The following ZC2HC1C variants were observed in gnomAD, a reference collection of about 807,000 sequenced individuals.
The protein encoded by ZC2HC1C is zinc finger C2HC domain-containing protein 1C.
Under a neutral mutation model 39.2 loss-of-function variants are expected in ZC2HC1C, and 25 were observed. That is an observed-to-expected ratio of 0.64 (90% CI 0.47 to 0.89). The LOEUF (loss-of-function observed/expected upper bound fraction) is 0.89. Among genes scored for constraint, ZC2HC1C ranks in the 40% least tolerant of loss-of-function variants. The pLI is 0.00. For missense variants in ZC2HC1C, 519 were observed against 548.6 expected (o/e 0.95, Z 0.54); for synonymous variants, 209 against 214.4 (o/e 0.97, Z 0.22).
rs546277319 is a variant in ZC2HC1C at position 75,072,018 on chromosome 14, T to C, written c.1338+107T>C. On this transcript the variant is annotated intron_variant, in intron 2 of 2. Transcript: ENST00000524913. Reference sequence around the variant, plus strand: ...AAATTCATGTGTCATGTAGGAAGAATTGACGTCTAGAATTAACATTTCTTG... The same window carrying C: ...AAATTCATGTGTCATGTAGGAAGAACTGACGTCTAGAATTAACATTTCTTG... The C allele has an allele frequency of 2.2e-4, 324 of 1,441,944 alleles. 1 individual carries two copies. The highest frequency in any genetic ancestry group is 1.7e-3 in the African/African-American group (117 of 70,316). 89.3% of individuals were successfully genotyped at this position (1,441,944 alleles called of 1,614,324 possible).
At position 75,070,583 on chromosome 14, in the gene ZC2HC1C, C is replaced by A; in HGVS notation, c.10C>A (p.Leu4Ile). 6.2e-7 allele frequency: 1 copy of A among 1,609,490 alleles called. No homozygotes were observed. The highest frequency in any genetic ancestry group is 1.1e-5 in the South Asian group (1 of 90,366). Residue 4 changes from leucine to isoleucine, a missense_variant, in exon 2 of 3, where the codon CTC (leucine) becomes ATC (isoleucine). By Grantham distance (5) the Leu-to-Ile change is conservative. Coordinates refer to ENST00000524913, the MANE Select transcript of ZC2HC1C (RefSeq NM_024643.4). ...TCAGTCCAGGCCCTGAATGGCTGGT[C>A]TCCAGCGGTTGGCGTCACATCTGCC... MAGLQRLASHLPVG... is the reference protein window; with the variant it reads MAGIQRLASHLPVG...
Position 75,071,640 on chromosome 14 carries a change from C to T in ZC2HC1C, c.1067C>T (p.Thr356Ile). 2 of 1,614,208 alleles carry T rather than the reference C, an allele frequency of 1.2e-6. No individual in the cohort carries two copies. Among genetic ancestry groups the T allele is most frequent in the Non-Finnish European group, 1.7e-6 (2 of 1,180,030 alleles). The change falls in exon 2 of 3, where the codon ACA becomes ATA. Residue 356 changes from threonine to isoleucine, a missense_variant. Thr to Ile is a moderately conservative substitution (Grantham distance 89). Coordinates refer to ENST00000524913, the MANE Select transcript of ZC2HC1C (RefSeq NM_024643.4). ...GAGAAATTCTCCCCGCCTTCAGAAACACCAGTCGGTGCTTTGCAGGGATCC... is the reference window on the plus strand; with the variant it reads ...GAGAAATTCTCCCCGCCTTCAGAAATACCAGTCGGTGCTTTGCAGGGATCC... ...SVEKFSPPSE[T>I]PVGALQGSAR...
In ZC2HC1C at chr14:75,070,909, C is replaced by T; in HGVS notation, c.336C>T (p.Gly112=). The change falls in exon 2 of 3, where the codon GGC becomes GGT. Residue 112 remains glycine, a synonymous_variant. Transcript: ENST00000524913. Reference sequence around the variant, plus strand: ...GAAATGGTTTGTTTTACTCGTCAGGCCCTCAATCCTGGTATCCCAAAGCCA... The same window carrying T: ...GAAATGGTTTGTTTTACTCGTCAGGTCCTCAATCCTGGTATCCCAAAGCCA... ...GQGNGLFYSS[G]PQSWYPKANN... The T allele has an allele frequency of 6.2e-7, 1 of 1,614,200 alleles. No homozygotes were observed. Among genetic ancestry groups the T allele is most frequent in the African/African-American group, 1.3e-5 (1 of 75,042 alleles).
In ZC2HC1C at chr14:75,071,107, T is replaced by G; in HGVS notation, c.534T>G (p.Phe178Leu). The G allele has an allele frequency of 6.2e-7, 1 of 1,614,190 alleles. No individual in the cohort carries two copies. Among genetic ancestry groups the G allele is most frequent in the East Asian group, 2.2e-5 (1 of 44,888 alleles). The change falls in exon 2 of 3, where the codon TTT (phenylalanine) becomes TTG (leucine). Residue 178 changes from phenylalanine to leucine, a missense_variant. Physicochemically the swap from Phe to Leu is conservative, Grantham distance 22 (BLOSUM62 0). Transcript: ENST00000524913. ...CGAGAGAGTTTTCATCTAGGAACTT[T>G]GGTGTGAGGAACCAGGGCAACTTTT... ...PEPREFSSRN[F>L]GVRNQGNFSV...
Position 75,071,138 on chromosome 14 carries a change from G to C in ZC2HC1C, c.565G>C (p.Val189Leu), listed in dbSNP as rs754206694. 1.2e-6 allele frequency: 2 copies of C among 1,614,202 alleles called. No homozygotes were observed. Among genetic ancestry groups the C allele is most frequent in the Non-Finnish European group, 1.7e-6 (2 of 1,180,032 alleles). Residue 189 changes from valine (V) to leucine (L), a missense_variant, in exon 2 of 3, where the codon GTT becomes CTT. Coordinates refer to ENST00000524913, the MANE Select transcript of ZC2HC1C (RefSeq NM_024643.4). ...GVRNQGNFSVVGTVLAATQAE... is the reference protein window; with the variant it reads ...GVRNQGNFSVLGTVLAATQAE... ...GAGGAACCAGGGCAACTTTTCTGTG[G>C]TTGGTACTGTTCTTGCTGCCACGCA...
At position 75,077,692 on chromosome 14, in the gene ZC2HC1C, C is replaced by T. The variant is rs1893746675; in HGVS notation, c.*128C>T. On this transcript the variant is annotated 3_prime_UTR_variant, in exon 3 of 3. Coordinates refer to ENST00000524913, the MANE Select transcript of ZC2HC1C (RefSeq NM_024643.4). ...GAAAACCCAGACTGCATTCAGTGTC[C>T]TCAGTGTAGCCACCACTTTGCTCCC... The T allele has an allele frequency of 3.5e-6, 4 of 1,142,730 alleles. No homozygotes were observed. The highest frequency in any genetic ancestry group is 5.1e-6 in the Non-Finnish European group (4 of 785,182). The allele number at this position is 1,142,730 out of a possible 1,614,324, so 70.8% of individuals were successfully genotyped here.
chr14:75,073,447 G>T, intron 2 of ZC2HC1C: 2 of 491,038 alleles, frequency 4.1e-6, no homozygotes, highest in Non-Finnish European at 7.0e-6. Context: ...CCTGAGATCA[G>T]ATGCTCCAGC....
rs1893344661 is a variant in ZC2HC1C, at chr14:75,070,830, C to T, written c.257C>T (p.Pro86Leu). 1.9e-6 allele frequency: 3 copies of T among 1,614,250 alleles called. No individual in the cohort carries two copies. The East Asian group carries it at 6.7e-5, about 36-fold the overall frequency. ...TQTKARSYSY[P>L]HCTGISQQDP... ...ACAAAAGCCCGGAGCTACTCCTATC[C>T]CCACTGTACTGGAATCAGCCAGCAA... The change falls in exon 2 of 3, where the codon CCC (proline) becomes CTC (leucine). Residue 86 changes from proline (P) to leucine (L), a missense_variant. Transcript: ENST00000524913.
intron 2 of ZC2HC1C, among the ~76,000 whole-genome samples, chr14:75,074,558 A>T (rs1036322836): frequency 1.3e-5 from 2 of 150,446 alleles, no homozygotes; most frequent in Non-Finnish European, 3.0e-5. Context: ...AATTTTCTAC[A>T]TTACCTGTTT....
At chr14:75,072,096 T>G (rs1275596609) in intron 2 of ZC2HC1C, among the ~76,000 whole-genome samples, 185 bp downstream of exon 2, 3 of 152,250 alleles carry the variant, frequency 2.0e-5, no homozygotes, top group Non-Finnish European at 4.4e-5. Flanking sequence ...GATCTCCACA[T>G]TATCTCTCAT....
intron 2 of ZC2HC1C, among the ~76,000 whole-genome samples, chr14:75,075,617 C>G (rs975098486): frequency 1.3e-5 from 2 of 151,370 alleles, no homozygotes; most frequent in Non-Finnish European, 3.0e-5. Flanking sequence ...TACAAGAAAC[C>G]TTTTTTTTTA....
rs538947600 is a variant in ZC2HC1C at position 75,070,532 on chromosome 14, T to C, written c.-19-23T>C. On this transcript the variant is annotated intron_variant, in intron 1 of 2. Coordinates refer to ENST00000524913, the MANE Select transcript of ZC2HC1C (RefSeq NM_024643.4). ...GAACCTCAGACAAACTCTTCCCGTG[T>C]ATCTGGTTTAAATCTCCCGTAGGCG... 11 of 1,550,630 alleles carry C rather than the reference T, an allele frequency of 7.1e-6. No homozygotes were observed. In the South Asian group the frequency reaches 1.2e-4, roughly 18 times the overall value.
At chr14:75,074,306 C>T (rs1409889354) in intron 2 of ZC2HC1C, among the ~76,000 whole-genome samples, 1 of 152,112 alleles carries the variant, frequency 6.6e-6, no homozygotes, top group Non-Finnish European at 1.5e-5. Flanking sequence ...CTTTCTTTTC[C>T]TTTGATAGTA....
chr14:75,071,971 C>A, intron 2 of ZC2HC1C, 60 bp downstream of exon 2: 2 of 1,508,810 alleles, frequency 1.3e-6, no homozygotes, highest in South Asian at 2.7e-5. Context: ...TCTGTTTTGT[C>A]ATCATCAGTT....
intron 2 of ZC2HC1C, chr14:75,073,625 C>G: frequency 7.8e-7 from 1 of 1,289,280 alleles, no homozygotes; most frequent in South Asian, 1.2e-5. Context: ...CTCTAGAGTA[C>G]TCAAGAACAG....
At chr14:75,076,513 C>T (rs770636488) in intron 2 of ZC2HC1C, among the ~76,000 whole-genome samples, 7 of 152,182 alleles carry the variant, frequency 4.6e-5, no homozygotes, top group Non-Finnish European at 1.0e-4. Flanking sequence ...TGTGATCTCC[C>T]CACGTTGGCC....
Position 75,071,595 on chromosome 14 carries a change from C to T in ZC2HC1C, c.1022C>T (p.Pro341Leu). Residue 341 changes from proline to leucine, a missense_variant, in exon 2 of 3, where the codon CCA becomes CTA. Pro to Leu is a moderately conservative substitution (Grantham distance 98, BLOSUM62 -3). Transcript: ENST00000524913. Reference protein sequence around the residue: ...LVASNNKIRDPVSEPSVEKFS... With the variant: ...LVASNNKIRDLVSEPSVEKFS... ...GCAAGCAATAATAAAATTCGAGACC[C>T]AGTCTCAGAGCCATCGGTGGAGAAA... The T allele has an allele frequency of 1.2e-6, 2 of 1,614,164 alleles. No homozygotes were observed. The highest frequency in any genetic ancestry group is 1.7e-6 in the Non-Finnish European group (2 of 1,180,022).
At position 75,071,670 on chromosome 14, in the gene ZC2HC1C, G is replaced by C. The variant is rs775320073; in HGVS notation, c.1097G>C (p.Arg366Thr). The change falls in exon 2 of 3, where the codon AGA becomes ACA. Residue 366 changes from arginine to threonine, a missense_variant. Physicochemically the swap from Arg to Thr is moderately conservative, Grantham distance 71. Transcript: ENST00000524913. ...GTCGGTGCTTTGCAGGGATCCGCCA[G>C]AAATTCCAGCCTGTCCATGGCACCA... ...TPVGALQGSA[R>T]NSSLSMAPDS... 5.6e-6 allele frequency: 9 copies of C among 1,614,210 alleles called. No homozygotes were observed. The South Asian group carries it at 9.9e-5, about 18-fold the overall frequency.
At chr14:75,072,234 G>C (rs532109069) in intron 2 of ZC2HC1C, among the ~76,000 whole-genome samples, 171 of 152,276 alleles carry the variant, frequency 1.1e-3, no homozygotes, top group African/African-American at 3.8e-3. Flanking sequence ...CATAGAATTT[G>C]TGTCCTTTGG....
Sources: gnomAD v4.1 joint callset for allele counts (sites outside exome capture counted in the v4.1 genomes callset) on GRCh38, gnomAD v4.1.1 for gene constraint, MANE v1.5 for transcripts, NCBI Gene and HGNC (gene_info 2026-07-23, HGNC 2026-07-21) for gene names.